Variants in PPP2R2B observed in about 807,000 individuals in gnomAD.
The protein encoded by PPP2R2B is protein phosphatase 2 regulatory subunit Bbeta.
Under a neutral mutation model 46.0 loss-of-function variants are expected in PPP2R2B, and 5 were observed. The observed-to-expected ratio is 0.11, with a 90% CI of 0.06 to 0.23. PPP2R2B has a LOEUF of 0.23. PPP2R2B is among the 10% of genes least tolerant of loss of function. The pLI is 1.00. For synonymous variants in PPP2R2B, 215 were observed against 206.7 expected, an observed-to-expected ratio of 1.04 and a Z score of -0.34; for missense variants, 367 against 575.0, an observed-to-expected ratio of 0.64 and a Z score of 3.70.
rs564893284 is a variant in PPP2R2B at position 146,961,811 on chromosome 5, AT to A, written c.79+93853del. On this transcript the variant is annotated intron_variant, in intron 1 of 8. Coordinates refer to the PPP2R2B transcript ENST00000336640. ...AAGACACTGGTCCCCCATGGAGGAG[AT>A]TTTTTTTCAAAGGAATGGATCATAA... Among the ~76,000 whole-genome samples the A allele has an allele frequency of 2.6e-5, 4 of 151,764 alleles. No homozygotes were observed. The South Asian group carries it at 6.2e-4, about 24-fold the overall frequency.
upstream of PPP2R2B, among the ~76,000 whole-genome samples, chr5:146,880,543 G>T (rs1762133220): frequency 6.6e-6 from 1 of 152,162 alleles, no homozygotes; most frequent in Non-Finnish European, 1.5e-5. Flanking sequence ...TCAAAATGAT[G>T]AGAAGACATT....
rs1770310557 is a variant in PPP2R2B, at chr5:146,588,797, G to A, written c.*1150C>T. On this transcript the variant is annotated 3_prime_UTR_variant, in exon 10 of 10. Transcript: ENST00000394411. ...TCTGTAGAAGAGAGCCTTCTGGTCT[G>A]TTTTTCCAGATGGCGAGCTTGGGGT... 1 of 152,200 alleles carries A rather than the reference G, an allele frequency of 6.6e-6. No homozygotes were observed. The highest frequency in any genetic ancestry group is 1.5e-5 in the Non-Finnish European group (1 of 68,052). The allele number at this position is 152,200 out of a possible 1,614,324, so 9.4% of individuals were successfully genotyped here.
intron 1 of PPP2R2B, among the ~76,000 whole-genome samples, chr5:146,965,701 A>G (rs4705124): frequency 1.3e-5 from 2 of 152,084 alleles, no homozygotes; most frequent in Admixed American, 1.3e-4. Context: ...TAGTATTATA[A>G]GTACAAATAT....
intron 1 of PPP2R2B, among the ~76,000 whole-genome samples, chr5:147,013,119 G>T (rs1490659230): frequency 6.7e-6 from 1 of 148,400 alleles, no homozygotes; most frequent in Non-Finnish European, 1.5e-5. Context: ...AATCAGGAGT[G>T]AACTCCCATT....
chr5:147,080,973 A>G (rs1757953013), intron 2 of PPP2R2B: 2 of 1,305,432 alleles, frequency 1.5e-6, no homozygotes, highest in Non-Finnish European at 2.1e-6. Context: ...ACTTAGATTC[A>G]TGAAAGTAAA....
intron 6 of PPP2R2B, among the ~76,000 whole-genome samples, chr5:146,640,448 G>T (rs1273060048): frequency 6.6e-6 from 1 of 152,246 alleles, no homozygotes; most frequent in Admixed American, 6.5e-5. Context: ...CTAGGCTGCA[G>T]CTCCGGTGCT....
chr5:146,625,739 C>T lies in PPP2R2B; in HGVS notation c.790+12512G>A, dbSNP rs188347689. Among the ~76,000 whole-genome samples, 12 of 152,236 alleles carry T rather than the reference C, an allele frequency of 7.9e-5. No homozygotes were observed. The East Asian group carries it at 2.3e-3, about 29-fold the overall frequency. On this transcript the variant is annotated intron_variant, in intron 7 of 9. Transcript: ENST00000394411. ...CCTAATGCCCGGAACCTGGGAATAT[C>T]TTACCTTACATGGCAAAATGGAATA...
intron 5 of PPP2R2B, among the ~76,000 whole-genome samples, chr5:146,683,106 A>G (rs1050228119): frequency 6.6e-6 from 1 of 151,618 alleles, no homozygotes; most frequent in Non-Finnish European, 1.5e-5. Flanking sequence ...TTGGTTGGAG[A>G]TGACTTAGAT....
chr5:146,901,697 A>T (rs1360839083), intron 1 of PPP2R2B, among the ~76,000 whole-genome samples: 1 of 152,074 alleles, frequency 6.6e-6, no homozygotes, highest in Non-Finnish European at 1.5e-5. Context: ...AATTTGGTGA[A>T]AGAGAAGAAT....
chr5:146,907,574 C>T (rs904026675), intron 1 of PPP2R2B, among the ~76,000 whole-genome samples: 4 of 152,232 alleles, frequency 2.6e-5, no homozygotes, highest in African/African-American at 9.6e-5. Context: ...ACCTGAACAT[C>T]CCCCCTGAGG....
intron 7 of PPP2R2B, among the ~76,000 whole-genome samples, chr5:146,619,824 C>CT (rs1773525113): frequency 6.6e-6 from 1 of 152,182 alleles, no homozygotes; most frequent in African/African-American, 2.4e-5. Context: ...GGCTCACTGT[C>CT]TTTTTCTAGA....
intron 7 of PPP2R2B, among the ~76,000 whole-genome samples, chr5:146,637,572 C>T (rs1774904716): frequency 6.6e-6 from 1 of 152,176 alleles, no homozygotes; most frequent in African/African-American, 2.4e-5. Context: ...AACAATTTCC[C>T]TAACAACTAA....
chr5:146,878,397 T>TGG lies in PPP2R2B; in HGVS notation c.-125+193_-125+194insCC. The stretch of plus-strand genomic sequence containing the variant: ...ATACGCCGTGCCCCGAGGGGTCTGG[T>TGG]CCCGCCCGCCCGCCCCGGAGGCGCT... On this transcript the variant is annotated intron_variant, in intron 1 of 9. Coordinates refer to ENST00000394411, the MANE Select transcript of PPP2R2B (RefSeq NM_181675.4). This position sits in a 1 kb window ranked among gnomAD's most constrained non-coding sequence, Gnocchi z 4.5. 1 of 1,370,776 alleles carries TGG rather than the reference T, an allele frequency of 7.3e-7. No individual in the cohort carries two copies. The highest frequency in any genetic ancestry group is 9.5e-7 in the Non-Finnish European group (1 of 1,048,008). The allele number at this position is 1,370,776 out of a possible 1,614,324, so 84.9% of individuals were successfully genotyped here.
chr5:146,787,179 T>C (rs1293342892), intron 2 of PPP2R2B, among the ~76,000 whole-genome samples: 2 of 152,104 alleles, frequency 1.3e-5, no homozygotes, highest in East Asian at 3.9e-4. Flanking sequence ...GGTTGCAAAC[T>C]CAGATGCCAG....
chr5:146,818,255 T>A (rs1376305161), intron 2 of PPP2R2B, among the ~76,000 whole-genome samples: 1 of 152,126 alleles, frequency 6.6e-6, no homozygotes, highest in Non-Finnish European at 1.5e-5. Context: ...CCATAGCACT[T>A]AGTACTGTGT....
chr5:146,714,798 CTT>C (rs1780400147), intron 2 of PPP2R2B, among the ~76,000 whole-genome samples: 1 of 138,896 alleles, frequency 7.2e-6, no homozygotes, highest in East Asian at 2.3e-4. Flanking sequence ...TAAAAGACCT[CTT>C]GATTTTTTTT....
intron 1 of PPP2R2B, chr5:147,081,249 T>C (rs1757960283): frequency 2.0e-6 from 3 of 1,535,512 alleles, no homozygotes; most frequent in South Asian, 2.4e-5. Context: ...AAAAGGAGAC[T>C]TGCACACCAG....
intron 7 of PPP2R2B, chr5:146,607,691 C>T (rs1229755797): frequency 6.6e-6 from 1 of 152,156 alleles, no homozygotes; most frequent in Non-Finnish European, 1.5e-5. Flanking sequence ...TTTCTTTTCC[C>T]AGACAGGAAA....
chr5:146,688,030 T>C (rs1778617919), intron 5 of PPP2R2B, among the ~76,000 whole-genome samples: 2 of 152,136 alleles, frequency 1.3e-5, no homozygotes, highest in Non-Finnish European at 2.9e-5. Flanking sequence ...CTGTTTGGAG[T>C]CATTGTTCTG....
Sources: allele counts gnomAD v4.1 joint callset (sites outside exome capture counted in the v4.1 genomes callset), GRCh38; gene constraint gnomAD v4.1.1; non-coding constraint Gnocchi (gnomAD v3.1); transcripts MANE v1.5; gene names NCBI Gene and HGNC (gene_info 2026-07-23, HGNC 2026-07-21).